The following C16orf46 variants were observed in gnomAD, a reference collection of about 807,000 sequenced individuals.
C16orf46 encodes the protein chromosome 16 open reading frame 46.
A neutral mutation model predicts 5.5 loss-of-function variants in C16orf46; 7 were observed. The observed-to-expected ratio is 1.28, with a 90% CI of 0.73 to 2.40. The LOEUF (loss-of-function observed/expected upper bound fraction) is 2.40. Ranked by LOEUF, C16orf46 falls within the 30% of genes most tolerant of loss-of-function variation. The pLI, the probability that C16orf46 is intolerant of heterozygous loss-of-function variation, is 0.00. For missense variants in C16orf46, 614 were observed against 476.0 expected (o/e 1.29, Z -2.70); for synonymous variants, 200 against 184.1 (o/e 1.09, Z -0.70).
chr16:81,054,130 G>A (rs754754254), intron 3 of C16orf46: 4 of 1,599,184 alleles, frequency 2.5e-6, no homozygotes, highest in East Asian at 2.2e-5. Context: ...AGAAAATGTA[G>A]AGCCCATGCT....
chr16:81,077,212 G>C lies in C16orf46; in HGVS notation c.-204C>G, dbSNP rs935043932. ...GGCAAGAGCTACTCAGGTCGCTGCC[G>C]GATGGGCCGTTGCCTTGGGTTACGA... On this transcript the variant is annotated 5_prime_UTR_variant, in exon 1 of 4. Coordinates refer to ENST00000299578, the MANE Select transcript of C16orf46 (RefSeq NM_152337.3). 6.6e-6 allele frequency: 1 copy of C among 152,324 alleles called. No individual in the cohort carries two copies. Among genetic ancestry groups the C allele is most frequent in the Non-Finnish European group, 1.5e-5 (1 of 68,100 alleles). The allele number at this position is 152,324 out of a possible 1,614,324, so 9.4% of individuals were successfully genotyped here.
intron 1 of C16orf46, among the ~76,000 whole-genome samples, chr16:81,067,185 A>G (rs761829972): frequency 1.8e-4 from 28 of 152,206 alleles, no homozygotes; most frequent in Non-Finnish European, 3.5e-4. Context: ...TCCAGAAAAT[A>G]CCTTTTCTAG....
chr16:81,054,112 A>G, intron 3 of C16orf46: 4 of 1,610,340 alleles, frequency 2.5e-6, no homozygotes, highest in Non-Finnish European at 3.4e-6. Context: ...GAGAAATTTA[A>G]TGACTTCAGA....
At chr16:81,070,878 T>A (rs1333969825) in intron 1 of C16orf46, among the ~76,000 whole-genome samples, 8 of 152,188 alleles carry the variant, frequency 5.3e-5, no homozygotes, top group African/African-American at 1.9e-4. Context: ...TATAGTCATG[T>A]ATAGTTTCAC....
At chr16:81,070,444 G>T (rs563351049) in intron 1 of C16orf46, among the ~76,000 whole-genome samples, 1 of 152,208 alleles carries the variant, frequency 6.6e-6, no homozygotes, top group East Asian at 1.9e-4. Flanking sequence ...TGAATGAAGA[G>T]ACACATAGGT....
rs905557183 is a variant in C16orf46, at chr16:81,074,284, A to C, written c.-128+2852T>G. ...AAAGCAATACCTCAAAAGTGGTCTG[A>C]CTAGAAGTGTCTGCTTTGAAATCTG... On this transcript the variant is annotated intron_variant, in intron 1 of 3. Coordinates refer to ENST00000299578, the MANE Select transcript of C16orf46 (RefSeq NM_152337.3). Among the ~76,000 whole-genome samples the C allele has an allele frequency of 3.3e-5, 5 of 152,256 alleles. 1 individual carries two copies. Among genetic ancestry groups the C allele is most frequent in the Admixed American group, 3.3e-4 (5 of 15,286 alleles).
intron 1 of C16orf46, among the ~76,000 whole-genome samples, chr16:81,072,485 A>C (rs1465538845): frequency 6.6e-6 from 1 of 152,046 alleles, no homozygotes; most frequent in Admixed American, 6.6e-5. Flanking sequence ...TCTGGGTTCA[A>C]GTGATTCTCC....
chr16:81,060,088 C>T (rs78817099), downstream of C16orf46, among the ~76,000 whole-genome samples: 5,570 of 151,706 alleles, frequency 0.037, 339 homozygotes, highest in African/African-American at 0.12. Context: ...GCGCCCGGCC[C>T]CAAAAAGTAA....
At chr16:81,073,784 G>A (rs1415813024) in intron 1 of C16orf46, among the ~76,000 whole-genome samples, 1 of 151,470 alleles carries the variant, frequency 6.6e-6, no homozygotes, top group African/African-American at 2.5e-5. Context: ...TGGCATTTAG[G>A]AGCTGAGAAA....
At position 81,061,167 on chromosome 16, in the gene C16orf46, G is replaced by C. The variant is rs750540714; in HGVS notation, c.1182C>G (p.Ile394Met). 3.1e-6 allele frequency: 5 copies of C among 1,604,608 alleles called. No homozygotes were observed. The Admixed American group carries it at 5.1e-5, about 16-fold the overall frequency. ...RVIIPVSTHRIL is the reference protein window; with the variant it reads ...RVIIPVSTHRML ...GGGGTTCTACCGCAACCGCTCAGAG[G>C]ATCCTGTGGGTAGAGACAGGAATGA... is the stretch of plus-strand genomic sequence containing the variant. The change falls in exon 4 of 4, where the codon ATC (isoleucine) becomes ATG (methionine). Residue 394 changes from isoleucine (I) to methionine (M), a missense_variant. Ile to Met is a conservative substitution (Grantham distance 10, BLOSUM62 1). Transcript: ENST00000299578.
intron 3 of C16orf46, chr16:81,055,521 C>A (rs1442833227): frequency 3.4e-5 from 5 of 147,598 alleles, no homozygotes; most frequent in African/African-American, 1.1e-4. Flanking sequence ...TGGCAAAACC[C>A]GTCTCTTCAA....
At chr16:81,072,207 G>C (rs1380857675) in intron 1 of C16orf46, 1 of 152,140 alleles carries the variant, frequency 6.6e-6, no homozygotes, top group South Asian at 2.1e-4. Context: ...ACTGCTTGTT[G>C]CTACACCAGT....
intron 1 of C16orf46, among the ~76,000 whole-genome samples, chr16:81,071,001 C>A (rs1971831677): frequency 6.6e-6 from 1 of 152,102 alleles, no homozygotes; most frequent in African/African-American, 2.4e-5. Context: ...TGTCTTGAAC[C>A]ACCACGCCAT....
chr16:81,062,376 C>T (rs1971513392), intron 3 of C16orf46, among the ~76,000 whole-genome samples: 1 of 151,884 alleles, frequency 6.6e-6, no homozygotes, highest in Non-Finnish European at 1.5e-5. Flanking sequence ...CGCTATAAAG[C>T]AATAACAGTA....
Position 81,061,795 on chromosome 16 carries a change from G to C in C16orf46, c.554C>G (p.Ala185Gly). 6.2e-7 allele frequency: 1 copy of C among 1,614,012 alleles called. No individual in the cohort carries two copies. The highest frequency in any genetic ancestry group is 1.3e-5 in the African/African-American group (1 of 75,062). ...WAIPGTNRGKASGNPSGGAHR... is the reference protein window; with the variant it reads ...WAIPGTNRGKGSGNPSGGAHR... ...GGCCCCTCCACTGGGATTCCCAGAGGCCTTGCCCCTATTAGTGCCGGGGAT... is the reference window on the plus strand; with the variant it reads ...GGCCCCTCCACTGGGATTCCCAGAGCCCTTGCCCCTATTAGTGCCGGGGAT... Residue 185 changes from alanine (A) to glycine (G), a missense_variant, in exon 4 of 4, where the codon GCC (alanine) becomes GGC (glycine). Ala to Gly is a moderately conservative substitution (Grantham distance 60, BLOSUM62 0). Coordinates refer to ENST00000299578, the MANE Select transcript of C16orf46 (RefSeq NM_152337.3).
chr16:81,060,915 C>T, downstream of C16orf46: 1 of 1,184,684 alleles, frequency 8.4e-7, no homozygotes, highest in Non-Finnish European at 1.1e-6. Flanking sequence ...TTGTGAATGG[C>T]TAAGTAGCAG....
At chr16:81,070,630 A>G (rs1415204324) in intron 1 of C16orf46, among the ~76,000 whole-genome samples, 1 of 152,202 alleles carries the variant, frequency 6.6e-6, no homozygotes, top group Non-Finnish European at 1.5e-5. Context: ...ATAGATTATA[A>G]ATATAAATCT....
chr16:81,068,406 A>G (rs12921900), intron 1 of C16orf46, among the ~76,000 whole-genome samples: 3,840 of 152,296 alleles, frequency 0.025, 84 homozygotes, highest in African/African-American at 0.059. Flanking sequence ...CTATTTACAA[A>G]TAAGTAACAC....
chr16:81,063,600 G>A, intron 3 of C16orf46, 146 bp downstream of exon 3: 1 of 673,302 alleles, frequency 1.5e-6, no homozygotes, highest in Non-Finnish European at 2.5e-6. Context: ...CTTATCATCA[G>A]TAATATTTTA....
Sources: gnomAD v4.1 joint callset for allele counts (sites outside exome capture counted in the v4.1 genomes callset) on GRCh38, gnomAD v4.1.1 for gene constraint, MANE v1.5 for transcripts, NCBI Gene and HGNC (gene_info 2026-07-23, HGNC 2026-07-21) for gene names.